RPH3A: variants seen among roughly 807,000 people sequenced by gnomAD.
The protein encoded by RPH3A is rabphilin 3A, also known as rabphilin-3A.
A neutral mutation model predicts 102.2 loss-of-function variants in RPH3A; 48 were observed. The ratio of observed to expected loss-of-function variants is 0.47; its 90% CI spans 0.37 to 0.60. RPH3A has a LOEUF of 0.60. Ranked by LOEUF, RPH3A falls within the 20% of genes least tolerant of loss-of-function variation. RPH3A has a pLI of 0.00. For missense variants in RPH3A, 781 were observed against 910.1 expected, an observed-to-expected ratio of 0.86 and a Z score of 1.83; for synonymous variants, 310 against 324.3, an observed-to-expected ratio of 0.96 and a Z score of 0.47.
At chr12:112,836,432 T>C in intron 3 of RPH3A, 59 bp from the exon 4 acceptor site, 2 of 1,065,608 alleles carry the variant, frequency 1.9e-6, no homozygotes, top group Non-Finnish European at 2.7e-6. Flanking sequence ...GATATTGTTA[T>C]GATTTCTTAC....
chr12:112,673,054 C>A (rs912199299), intron 1 of RPH3A, among the ~76,000 whole-genome samples: 1 of 152,094 alleles, frequency 6.6e-6, no homozygotes, highest in Non-Finnish European at 1.5e-5. Flanking sequence ...TGAAGGCACC[C>A]ACAGCTCATT....
chr12:112,786,135 A>G (rs1358064533), intron 1 of RPH3A, among the ~76,000 whole-genome samples: 2 of 152,202 alleles, frequency 1.3e-5, no homozygotes, highest in Admixed American at 6.5e-5. Flanking sequence ...AACTCCAAGT[A>G]TCAGAGAAGG....
intron 2 of RPH3A, among the ~76,000 whole-genome samples, chr12:112,819,499 G>C (rs1245964055): frequency 2.6e-5 from 4 of 152,208 alleles, no homozygotes; most frequent in African/African-American, 4.8e-5. Flanking sequence ...TTGGATCCCA[G>C]TGCTCTGGGT....
At chr12:112,833,210 T>C (rs1290251529) in intron 3 of RPH3A, among the ~76,000 whole-genome samples, 2 of 152,230 alleles carry the variant, frequency 1.3e-5, no homozygotes, top group Non-Finnish European at 2.9e-5. Context: ...CTGTTATTTA[T>C]GTCTATTATG....
chr12:112,870,045 C>G lies in RPH3A; in HGVS notation c.796+6C>G, dbSNP rs2042682147. ...CTCCAGCCGGAGCCCAGCAGGTGAG[C>G]AAGATGGGCAAATCCAGAGACAGTT... On this transcript the variant is annotated splice_donor_region_variant and intron_variant, in intron 10 of 21. Transcript: ENST00000389385. The G allele has an allele frequency of 2.5e-6, 4 of 1,607,448 alleles. No homozygotes were observed. Among genetic ancestry groups the G allele is most frequent in the African/African-American group, 1.3e-5 (1 of 74,622 alleles).
chr12:112,890,904 T>C lies in RPH3A; in HGVS notation c.1676T>C (p.Met559Thr), dbSNP rs1256237282. ...EERGKILVSL[M>T]YSTQQGGLIV... ...CGTGGCAAGATCCTGGTCTCCCTCA[T>C]GTACAGCACACAGCAGGGAGGCCTC... Residue 559 changes from methionine (M) to threonine (T), a missense_variant, in exon 19 of 22, where the codon ATG becomes ACG. Physicochemically the swap from Met to Thr is moderately conservative, Grantham distance 81. This residue lies in a region of RPH3A where 730 missense variants were observed against 810.0 expected (regional missense o/e 0.90). Coordinates refer to ENST00000389385, the MANE Select transcript of RPH3A (RefSeq NM_001143854.2). The C allele has an allele frequency of 1.2e-6, 2 of 1,614,066 alleles. No individual in the cohort carries two copies. The highest frequency in any genetic ancestry group is 2.2e-5 in the East Asian group (1 of 44,874).
At chr12:112,817,341 C>G (rs934193309) in intron 2 of RPH3A, among the ~76,000 whole-genome samples, 3 of 152,106 alleles carry the variant, frequency 2.0e-5, no homozygotes, top group African/African-American at 7.2e-5. Context: ...ATTGCAGCCT[C>G]TGAACCCTGT....
intron 1 of RPH3A, among the ~76,000 whole-genome samples, chr12:112,670,803 A>G (rs1284087312): frequency 6.6e-6 from 1 of 152,182 alleles, no homozygotes; most frequent in Non-Finnish European, 1.5e-5. Flanking sequence ...AAGTCTCTTG[A>G]GGCACAGGTT....
chr12:112,694,890 C>T (rs7965078), intron 1 of RPH3A: 4,777 of 168,990 alleles, frequency 0.028, 272 homozygotes, highest in African/African-American at 0.11. Context: ...CTCTAAAATA[C>T]CTGGCACCAT....
chr12:112,727,494 C>CACACACACAGA (rs1491571695), intron 1 of RPH3A, among the ~76,000 whole-genome samples: 1 of 47,538 alleles, frequency 2.1e-5, no homozygotes, highest in African/African-American at 7.3e-5. Flanking sequence ...CACACACAGA[C>CACACACACAGA]CCCCCCCCCC....
chr12:112,650,909 T>C (rs141684372), intron 1 of RPH3A: 2 of 152,092 alleles, frequency 1.3e-5, no homozygotes, highest in East Asian at 3.9e-4. Flanking sequence ...TTTAATGTTT[T>C]TGTAGAGACA....
At chr12:112,834,541 A>G (rs2042019392) in intron 3 of RPH3A, among the ~76,000 whole-genome samples, 1 of 152,202 alleles carries the variant, frequency 6.6e-6, no homozygotes, top group African/African-American at 2.4e-5. Flanking sequence ...AGTTTACTGT[A>G]TCATTTAAAA....
At chr12:112,581,906 C>T (rs1413435107) in intron 1 of RPH3A, among the ~76,000 whole-genome samples, 4 of 147,672 alleles carry the variant, frequency 2.7e-5, no homozygotes, top group Non-Finnish European at 6.0e-5. Flanking sequence ...TTGAGTAAGA[C>T]GTTTTGGACC....
intron 3 of RPH3A, chr12:112,831,835 A>T (rs1454677683): frequency 2.2e-6 from 1 of 455,830 alleles, no homozygotes; most frequent in Admixed American, 2.4e-5. Context: ...CTTCCTCTGT[A>T]GATGGTTTTT....
At chr12:112,794,968 G>A (rs1326817376) in intron 2 of RPH3A, among the ~76,000 whole-genome samples, 2 of 152,196 alleles carry the variant, frequency 1.3e-5, no homozygotes, top group Non-Finnish European at 2.9e-5. Context: ...TTGTTGGCAG[G>A]AGAGAGGCAG....
At chr12:112,690,004 G>C (rs989924187) in intron 1 of RPH3A, among the ~76,000 whole-genome samples, 3 of 152,178 alleles carry the variant, frequency 2.0e-5, no homozygotes, top group Admixed American at 2.0e-4. Flanking sequence ...AAAGTGAGGA[G>C]GGGATATTTT....
At chr12:112,825,102 G>A (rs1361499398) in intron 2 of RPH3A, among the ~76,000 whole-genome samples, 3 of 152,166 alleles carry the variant, frequency 2.0e-5, no homozygotes, top group African/African-American at 7.2e-5. Context: ...CTCCAGGTGG[G>A]GGGCTCCAGG....
chr12:112,813,737 G>A (rs896273740), intron 2 of RPH3A, among the ~76,000 whole-genome samples: 6 of 149,396 alleles, frequency 4.0e-5, no homozygotes, highest in African/African-American at 1.5e-4. Flanking sequence ...ACCCACAAAA[G>A]TGGGTGCTGC....
chr12:112,582,627 T>G (rs2039408115), intron 1 of RPH3A, among the ~76,000 whole-genome samples: 1 of 141,562 alleles, frequency 7.1e-6, no homozygotes, highest in Admixed American at 7.0e-5. Flanking sequence ...TTTTTTTTTT[T>G]TTTTTGGTAT....
Sources: allele counts gnomAD v4.1 joint callset (sites outside exome capture counted in the v4.1 genomes callset), GRCh38; gene constraint gnomAD v4.1.1; regional missense constraint gnomAD v4.1.1; transcripts MANE v1.5; gene names NCBI Gene and HGNC (gene_info 2026-07-23, HGNC 2026-07-21).